Variants in FGFR2 observed in about 807,000 individuals in gnomAD.
FGFR2 encodes BEK fibroblast growth factor receptor.
Under a neutral mutation model 95.9 loss-of-function variants are expected in FGFR2, and 19 were observed. The ratio of observed to expected loss-of-function variants is 0.20; its 90% CI spans 0.14 to 0.29. FGFR2 has a LOEUF of 0.29. Among genes scored for constraint, FGFR2 ranks in the 10% least tolerant of loss-of-function variants. The pLI, the probability that FGFR2 is intolerant of heterozygous loss-of-function variation, is 1.00. For missense variants in FGFR2, 707 were observed against 1,056.9 expected (o/e 0.67, Z 4.59); for synonymous variants, 392 against 393.3 (o/e 1.00, Z 0.04).
intron 5 of FGFR2, among the ~76,000 whole-genome samples, chr10:121,544,145 G>C (rs2134695188): frequency 6.6e-6 from 1 of 152,164 alleles, no homozygotes; most frequent in South Asian, 2.1e-4. Context: ...ATCATCAGAT[G>C]AATGGATAAA....
chr10:121,489,713 G>A (rs1340559272), intron 13 of FGFR2, among the ~76,000 whole-genome samples: 3 of 152,136 alleles, frequency 2.0e-5, no homozygotes, highest in East Asian at 1.9e-4. Flanking sequence ...GCTATACACC[G>A]GTATTCTTTA....
rs1374156971 is a variant in FGFR2, at chr10:121,479,128, T to C, written c.*729A>G. On this transcript the variant is annotated 3_prime_UTR_variant, in exon 18 of 18. Coordinates refer to ENST00000358487, the MANE Select transcript of FGFR2 (RefSeq NM_000141.5). Reference sequence around the variant, plus strand: ...TTCTCTTTTCAAAGGATCTGATAACTAGTTAAGTCCAAGCAATAGATTAAC... The same window carrying C: ...TTCTCTTTTCAAAGGATCTGATAACCAGTTAAGTCCAAGCAATAGATTAAC... The C allele has an allele frequency of 2.1e-5, 5 of 232,810 alleles. No homozygotes were observed. The East Asian group carries it at 2.4e-4, about 11-fold the overall frequency. The allele number at this position is 232,810 out of a possible 1,614,324, so 14.4% of individuals were successfully genotyped here.
chr10:121,526,810 C>G (rs572514117), intron 6 of FGFR2: 20 of 398,416 alleles, frequency 5.0e-5, no homozygotes, highest in African/African-American at 3.7e-4. Flanking sequence ...GGCACATGCT[C>G]GTTTTGTTCT....
chr10:121,544,438 C>T (rs1047373913), intron 5 of FGFR2, among the ~76,000 whole-genome samples: 4 of 139,970 alleles, frequency 2.9e-5, no homozygotes, highest in East Asian at 2.1e-4. Flanking sequence ...AGTGAAACTC[C>T]GTCTTAAAAA....
intron 6 of FGFR2, among the ~76,000 whole-genome samples, chr10:121,524,146 A>ACACACCCCCCCCCC (rs142755962): frequency 2.2e-5 from 3 of 136,888 alleles, no homozygotes; most frequent in Non-Finnish European, 1.5e-5. Flanking sequence ...ACACACACAC[A>ACACACCCCCCCCCC]CCCCAAGTTT....
intron 5 of FGFR2, among the ~76,000 whole-genome samples, chr10:121,548,933 A>G (rs890275939): frequency 6.6e-6 from 1 of 152,054 alleles, no homozygotes; most frequent in Non-Finnish European, 1.5e-5. Context: ...TTTGAATCTC[A>G]TCGTATCTGG....
intron 4 of FGFR2, among the ~76,000 whole-genome samples, chr10:121,563,806 T>C (rs1322947126): frequency 2.0e-5 from 3 of 152,218 alleles, no homozygotes; most frequent in Non-Finnish European, 4.4e-5. Flanking sequence ...TCCTCGCAAG[T>C]AAATGGCCTC....
rs192489692 is a variant in FGFR2 at position 121,533,464 on chromosome 10, A to C, written c.748+5128T>G. On this transcript the variant is annotated intron_variant, in intron 6 of 17. Coordinates refer to ENST00000358487, the MANE Select transcript of FGFR2 (RefSeq NM_000141.5). ...GAGGCACCATTTCCACTTCCACTGTACTTTGCCCCCAAAATATCAAATGCC... is the reference window on the plus strand; with the variant it reads ...GAGGCACCATTTCCACTTCCACTGTCCTTTGCCCCCAAAATATCAAATGCC... 1.9e-3 allele frequency among the ~76,000 whole-genome samples: 287 copies of C among 152,308 alleles called. 2 individuals are homozygous for C. Among genetic ancestry groups the C allele is most frequent in the African/African-American group, 6.4e-3 (267 of 41,556 alleles).
chr10:121,569,049 T>A (rs545879899), intron 2 of FGFR2, among the ~76,000 whole-genome samples: 1 of 152,284 alleles, frequency 6.6e-6, no homozygotes, highest in African/African-American at 2.4e-5. Context: ...AAGATTCCAA[T>A]GAGCCAACGA....
intron 9 of FGFR2, among the ~76,000 whole-genome samples, chr10:121,512,294 G>A (rs1288670194): frequency 3.3e-5 from 5 of 152,068 alleles, no homozygotes; most frequent in Admixed American, 1.3e-4. Flanking sequence ...CCAGATACCC[G>A]ATAAGCATCT....
intron 12 of FGFR2, 109 bp from the exon 13 acceptor site, chr10:121,496,831 T>TTA: frequency 1.1e-6 from 1 of 928,818 alleles, no homozygotes; most frequent in Non-Finnish European, 1.6e-6. Flanking sequence ...TTTTTTTTTT[T>TTA]AAAGTTTAAC....
At position 121,564,488 on chromosome 10, in the gene FGFR2, G is replaced by A. The variant is rs112142377; in HGVS notation, c.454+14C>T. ...TCCTCTCTCGGGGACCATCGGAGCCGGGCAGTTACTTACTCTTGTTGTTAC... is the reference window on the plus strand; with the variant it reads ...TCCTCTCTCGGGGACCATCGGAGCCAGGCAGTTACTTACTCTTGTTGTTAC... On this transcript the variant is annotated intron_variant, in intron 4 of 17. Transcript: ENST00000358487. 3.4e-4 allele frequency: 549 copies of A among 1,611,870 alleles called. 1 individual carries two copies. The African/African-American group carries it at 4.7e-3, about 14-fold the overall frequency.
intron 5 of FGFR2, among the ~76,000 whole-genome samples, chr10:121,539,975 C>T (rs933045642): frequency 2.6e-5 from 4 of 152,340 alleles, no homozygotes; most frequent in Admixed American, 2.6e-4. Context: ...TGGAGTGCCA[C>T]GGTTTTCATG....
chr10:121,559,763 T>G (rs755045980), intron 4 of FGFR2, among the ~76,000 whole-genome samples: 1 of 152,238 alleles, frequency 6.6e-6, no homozygotes, highest in Non-Finnish European at 1.5e-5. Context: ...ATTCATCACA[T>G]GGGTGCTCTA....
At chr10:121,534,260 G>C (rs973641277) in intron 6 of FGFR2, among the ~76,000 whole-genome samples, 2 of 151,718 alleles carry the variant, frequency 1.3e-5, no homozygotes, top group African/African-American at 2.4e-5. Context: ...CACCACCCCT[G>C]GGTAATTTTT....
chr10:121,512,132 A>G (rs528109150), intron 9 of FGFR2, among the ~76,000 whole-genome samples: 1 of 152,288 alleles, frequency 6.6e-6, no homozygotes, highest in Non-Finnish European at 1.5e-5. Context: ...GGCCTCATAA[A>G]TGCCTAGAAA....
At chr10:121,582,479 G>C (rs958460972) in intron 2 of FGFR2, among the ~76,000 whole-genome samples, 2 of 152,068 alleles carry the variant, frequency 1.3e-5, no homozygotes, top group African/African-American at 4.8e-5. Flanking sequence ...ATTTAAGAGG[G>C]AAATTTGCAG....
At chr10:121,597,754 G>A (rs1050903473) in intron 1 of FGFR2, among the ~76,000 whole-genome samples, 1 of 152,246 alleles carries the variant, frequency 6.6e-6, no homozygotes, top group Non-Finnish European at 1.5e-5. Context: ...GGGTAGCAGA[G>A]GCAGAACTTC....
chr10:121,545,267 T>C (rs1245043605), intron 5 of FGFR2, among the ~76,000 whole-genome samples: 1 of 152,254 alleles, frequency 6.6e-6, no homozygotes, highest in Non-Finnish European at 1.5e-5. Context: ...GAGCCATTAC[T>C]TTCATTATGT....
Sources: gnomAD v4.1 joint callset for allele counts (sites outside exome capture counted in the v4.1 genomes callset) on GRCh38, gnomAD v4.1.1 for gene constraint, MANE v1.5 for transcripts, NCBI Gene and HGNC (gene_info 2026-07-23, HGNC 2026-07-21) for gene names.